Variants in ZC3H12B observed in about 807,000 individuals in gnomAD.
The protein encoded by ZC3H12B is zinc finger CCCH-type containing 12B.
Under a neutral mutation model 43.9 loss-of-function variants are expected in ZC3H12B, and 7 were observed. The ratio of observed to expected loss-of-function variants is 0.16; its 90% CI spans 0.09 to 0.30. The LOEUF (loss-of-function observed/expected upper bound fraction) is 0.30, where lower values mean the gene tolerates loss of function less well. Among genes scored for constraint, ZC3H12B ranks in the 10% least tolerant of loss-of-function variants. The probability of loss-of-function intolerance (pLI) is 1.00; values close to 1 mark genes in which losing one functional copy is unlikely to be tolerated. For missense variants in ZC3H12B, 475 were observed against 670.2 expected, an observed-to-expected ratio of 0.71 and a Z score of 3.22; for synonymous variants, 222 against 241.7, an observed-to-expected ratio of 0.92 and a Z score of 0.76.
chrX:65,129,263 A>ATTATATGGCTCTAT, the ZC3H12B span, among the ~76,000 whole-genome samples: 1 of 106,162 alleles, frequency 9.4e-6, no homozygotes, highest in African/African-American at 3.5e-5. Context: ...ATATGTATAT[A>ATTATATGGCTCTAT]TATATATATA....
At chrX:65,126,032 T>C in the ZC3H12B span, among the ~76,000 whole-genome samples, 1 of 98,208 alleles carries the variant, frequency 1.0e-5, no homozygotes, top group Admixed American at 1.0e-4. Flanking sequence ...CTGAATACCT[T>C]GTGTGTTTGT....
At chrX:65,371,621 A>G (rs966811100) in intron 2 of ZC3H12B, among the ~76,000 whole-genome samples, 4 of 112,300 alleles carry the variant, frequency 3.6e-5, no homozygotes, top group African/African-American at 1.3e-4. Flanking sequence ...CAGACTTGAG[A>G]CTGAAGCTCT....
chrX:65,046,962 TTA>T, the ZC3H12B span, among the ~76,000 whole-genome samples: 1 of 111,091 alleles, frequency 9.0e-6, no homozygotes, highest in Non-Finnish European at 1.9e-5. Flanking sequence ...TATTTATTGA[TTA>T]TGTTTGCCAT....
At chrX:65,428,193 G>GA in intron 3 of ZC3H12B, among the ~76,000 whole-genome samples, 1 of 111,884 alleles carries the variant, frequency 8.9e-6, no homozygotes, top group South Asian at 3.8e-4. Flanking sequence ...GCTTTTAACA[G>GA]TTTTCCTTTC....
At chrX:65,154,212 C>G in the ZC3H12B span, among the ~76,000 whole-genome samples, 2 of 110,742 alleles carry the variant, frequency 1.8e-5, no homozygotes, top group Non-Finnish European at 3.8e-5. Context: ...CACATGCACC[C>G]TAAAACTTAA....
chrX:65,089,599 A>G, the ZC3H12B span, among the ~76,000 whole-genome samples: 1 of 111,857 alleles, frequency 8.9e-6, no homozygotes, highest in Admixed American at 9.5e-5. Context: ...TTTTTCTTCA[A>G]TAAGAATTAA....
At chrX:65,342,858 A>G in the ZC3H12B span, among the ~76,000 whole-genome samples, 1 of 110,441 alleles carries the variant, frequency 9.1e-6, no homozygotes. Context: ...AAAAAATTCA[A>G]AAGATCCAGG....
chrX:65,456,613 T>G (rs1367205431), intron 3 of ZC3H12B, among the ~76,000 whole-genome samples: 1 of 104,495 alleles, frequency 9.6e-6, no homozygotes, highest in Non-Finnish European at 2.0e-5. Flanking sequence ...TGGTTTTCGT[T>G]TTTTTTTTTT....
the ZC3H12B span, among the ~76,000 whole-genome samples, chrX:65,069,009 C>G: frequency 9.2e-6 from 1 of 108,994 alleles, no homozygotes; most frequent in African/African-American, 3.3e-5. Flanking sequence ...TATTGGAGCT[C>G]CATAGTATAT....
chrX:65,234,413 G>A, the ZC3H12B span, among the ~76,000 whole-genome samples: 1 of 111,440 alleles, frequency 9.0e-6, no homozygotes, highest in Admixed American at 9.5e-5. Context: ...ATACCGAATG[G>A]GGAAAAACTG....
intron 2 of ZC3H12B, among the ~76,000 whole-genome samples, chrX:65,387,160 G>C (rs1185149269): frequency 9.0e-6 from 1 of 111,642 alleles, no homozygotes; most frequent in Non-Finnish European, 1.9e-5. Flanking sequence ...TGTCTATTAG[G>C]TCCGCTTGGT....
At chrX:65,152,075 T>C in the ZC3H12B span, among the ~76,000 whole-genome samples, 1 of 111,789 alleles carries the variant, frequency 8.9e-6, no homozygotes. Flanking sequence ...ATTGATGGGA[T>C]GTATCTGCAA....
the ZC3H12B span, among the ~76,000 whole-genome samples, chrX:65,199,883 C>T: frequency 2.9e-4 from 32 of 109,097 alleles, no homozygotes; most frequent in Non-Finnish European, 5.7e-4. Context: ...CATGTCTTTG[C>T]TATTGTGAAT....
chrX:65,140,481 G>A, the ZC3H12B span, among the ~76,000 whole-genome samples: 1 of 111,764 alleles, frequency 8.9e-6, no homozygotes, highest in South Asian at 3.7e-4. Context: ...CTAATGGGCT[G>A]CTGGATTCAT....
the ZC3H12B span, among the ~76,000 whole-genome samples, chrX:65,157,723 T>A: frequency 4.5e-5 from 5 of 110,507 alleles, no homozygotes; most frequent in Admixed American, 3.8e-4. Context: ...CCATCTTATT[T>A]GGGAATTTCT....
chrX:65,152,376 C>T, the ZC3H12B span, among the ~76,000 whole-genome samples: 1 of 111,906 alleles, frequency 8.9e-6, no homozygotes, highest in African/African-American at 3.2e-5. Context: ...TAAGCAACTT[C>T]AGCAAAGTCT....
At chrX:65,161,129 T>G in the ZC3H12B span, among the ~76,000 whole-genome samples, 1 of 111,684 alleles carries the variant, frequency 9.0e-6, no homozygotes, top group Non-Finnish European at 1.9e-5. Context: ...TGAGAGACAC[T>G]TTGTTATAAT....
At chrX:65,113,715 A>C in the ZC3H12B span, among the ~76,000 whole-genome samples, 1 of 110,027 alleles carries the variant, frequency 9.1e-6, no homozygotes, top group Non-Finnish European at 1.9e-5. Flanking sequence ...ATCAGTCAGC[A>C]GCTGTCAACA....
chrX:65,342,184 T>A, the ZC3H12B span, among the ~76,000 whole-genome samples: 1 of 111,703 alleles, frequency 9.0e-6, no homozygotes, highest in South Asian at 3.7e-4. Context: ...CATTACATGA[T>A]GGTAAAGGGT....
Sources: gnomAD v4.1 joint callset for allele counts (sites outside exome capture counted in the v4.1 genomes callset) on GRCh38, gnomAD v4.1.1 for gene constraint, MANE v1.5 for transcripts, NCBI Gene and HGNC (gene_info 2026-07-23, HGNC 2026-07-21) for gene names.